Variants in DNAH11 observed in about 807,000 individuals in gnomAD.
The protein encoded by DNAH11 is axonemal beta dynein heavy chain 11.
A neutral mutation model predicts 526.0 loss-of-function variants in DNAH11; 442 were observed. The ratio of observed to expected loss-of-function variants is 0.84; its 90% CI spans 0.78 to 0.91. The LOEUF (loss-of-function observed/expected upper bound fraction) is 0.91. Ranked by LOEUF, DNAH11 falls within the 40% of genes least tolerant of loss-of-function variation. DNAH11 has a pLI of 0.00. For synonymous variants in DNAH11, 2,461 were observed against 1,935.9 expected, an observed-to-expected ratio of 1.27 and a Z score of -7.12; for missense variants, 6,989 against 5,448.7, an observed-to-expected ratio of 1.28 and a Z score of -8.90.
intron 54 of DNAH11, among the ~76,000 whole-genome samples, chr7:21,763,353 A>AAAAAGAAG (rs66803559): frequency 1.8e-5 from 1 of 56,964 alleles, no homozygotes; most frequent in Admixed American, 2.3e-4. Context: ...AAAAAAAAAA[A>AAAAAGAAG]AAAGAAAAAA....
chr7:21,747,004 T>G (rs1786178835), intron 51 of DNAH11, among the ~76,000 whole-genome samples: 1 of 152,236 alleles, frequency 6.6e-6, no homozygotes, highest in Non-Finnish European at 1.5e-5. Flanking sequence ...TAAGGCTGTT[T>G]CTTTGATCAG....
chr7:21,741,366 G>A (rs1459548352), intron 48 of DNAH11, among the ~76,000 whole-genome samples: 2 of 152,162 alleles, frequency 1.3e-5, no homozygotes, highest in Non-Finnish European at 2.9e-5. Context: ...GGACACCTTG[G>A]TTGCTTTCAC....
chr7:21,845,295 C>T (rs1193452765), intron 66 of DNAH11, among the ~76,000 whole-genome samples: 1 of 152,070 alleles, frequency 6.6e-6, no homozygotes, highest in African/African-American at 2.4e-5. Context: ...CATTAACTGA[C>T]AGTTCGTGAA....
intron 2 of DNAH11, among the ~76,000 whole-genome samples, chr7:21,556,040 C>G (rs1471292607): frequency 6.6e-6 from 1 of 152,192 alleles, no homozygotes; most frequent in Non-Finnish European, 1.5e-5. Context: ...CATTTATCTC[C>G]TAGCATGCAA....
At chr7:21,603,795 C>T (rs186599033) in intron 18 of DNAH11, among the ~76,000 whole-genome samples, 1 of 152,036 alleles carries the variant, frequency 6.6e-6, no homozygotes, top group Non-Finnish European at 1.5e-5. Context: ...GATGTTGAAC[C>T]TTAAACTATA....
intron 25 of DNAH11, among the ~76,000 whole-genome samples, chr7:21,634,673 CAGG>C (rs1158528622): frequency 1.3e-5 from 2 of 152,046 alleles, no homozygotes; most frequent in African/African-American, 4.8e-5. Flanking sequence ...GAGTGGAGGG[CAGG>C]AGGAGGGTGA....
At chr7:21,601,908 T>C (rs1785105536) in intron 18 of DNAH11, among the ~76,000 whole-genome samples, 1 of 152,112 alleles carries the variant, frequency 6.6e-6, no homozygotes, top group African/African-American at 2.4e-5. Flanking sequence ...AAAGAACCTA[T>C]GAGTTGCTTT....
intron 63 of DNAH11, among the ~76,000 whole-genome samples, chr7:21,815,392 A>G (rs181442824): frequency 1.1e-4 from 17 of 152,322 alleles, no homozygotes; most frequent in Non-Finnish European, 2.1e-4. Flanking sequence ...GGTTTGATTC[A>G]TTTTTAAGAT....
In DNAH11 at chr7:21,665,178, A is replaced by G. The variant is rs536409509; in HGVS notation, c.5328+6147A>G. On this transcript the variant is annotated intron_variant, in intron 30 of 81. Transcript: ENST00000409508. Reference sequence around the variant, plus strand: ...CCGCTATTGACCTCTCCCCCTTTCTACCTTTCTCATGTTTGGCTATGTACT... The same window carrying G: ...CCGCTATTGACCTCTCCCCCTTTCTGCCTTTCTCATGTTTGGCTATGTACT... Among the ~76,000 whole-genome samples, 5 of 149,210 alleles carry G rather than the reference A, an allele frequency of 3.4e-5. No individual in the cohort carries two copies. In the South Asian group the frequency reaches 8.5e-4, roughly 25 times the overall value.
Position 21,901,406 on chromosome 7 carries a change from A to ATTCTAACTTTTTAGT in DNAH11, c.*152_*153insTTCTAACTTTTTAGT. ...CTATCCTTAGAGTGAAAGTCAGAAA[A>ATTCTAACTTTTTAGT]AAATACTAGAAACTAACTCAGGGCT... On this transcript the variant is annotated 3_prime_UTR_variant, in exon 82 of 82. Coordinates refer to ENST00000409508, the MANE Select transcript of DNAH11 (RefSeq NM_001277115.2). The ATTCTAACTTTTTAGT allele has an allele frequency of 1.8e-6, 2 of 1,121,170 alleles. No homozygotes were observed. Among genetic ancestry groups the ATTCTAACTTTTTAGT allele is most frequent in the East Asian group, 2.9e-5 (1 of 34,318 alleles). 69.5% of individuals were successfully genotyped at this position (1,121,170 alleles called of 1,614,324 possible). A position where few individuals can be genotyped will look rare whatever the true frequency, so the allele number is the denominator to read the frequency against.
intron 8 of DNAH11, among the ~76,000 whole-genome samples, chr7:21,572,514 G>C (rs1037955401): frequency 1.3e-5 from 2 of 152,128 alleles, no homozygotes; most frequent in African/African-American, 4.8e-5. Flanking sequence ...CATGTTAGTA[G>C]CCAGGGAGCT....
In DNAH11 at chr7:21,717,201, T is replaced by TAC. The variant is rs3061388; in HGVS notation, c.6984-555_6984-554dup. Among the ~76,000 whole-genome samples, 44 of 150,248 alleles carry TAC rather than the reference T, an allele frequency of 2.9e-4. 1 individual carries two copies. The highest frequency in any genetic ancestry group is 8.5e-4 in the South Asian group (4 of 4,724). ...ATTGATAACATTTTATGTTTCAGATTACACACACACACACACACACCCCAG... is the reference window on the plus strand; with the variant it reads ...ATTGATAACATTTTATGTTTCAGATTACACACACACACACACACACACCCCAG... On this transcript the variant is annotated intron_variant, in intron 42 of 81. Coordinates refer to ENST00000409508, the MANE Select transcript of DNAH11 (RefSeq NM_001277115.2).
Position 21,543,262 on chromosome 7 carries a change from C to A in DNAH11, c.17C>A (p.Ala6Glu). 2.0e-6 allele frequency: 3 copies of A among 1,538,440 alleles called. No individual in the cohort carries two copies. The highest frequency in any genetic ancestry group is 1.8e-6 in the Non-Finnish European group (2 of 1,141,254). Residue 6 changes from alanine to glutamate, a missense_variant, in exon 1 of 82, where the codon GCA becomes GAA. By Grantham distance (107) the Ala-to-Glu change is moderately radical. Coordinates refer to ENST00000409508, the MANE Select transcript of DNAH11 (RefSeq NM_001277115.2). Reference sequence around the variant, plus strand: ...GGTTGCCCAATGGCAGCCCAGGTGGCAGCCCGGGAGGCGCGAGACTTCAGA... The same window carrying A: ...GGTTGCCCAATGGCAGCCCAGGTGGAAGCCCGGGAGGCGCGAGACTTCAGA... MAAQV[A>E]AREARDFREA... is the part of the protein sequence containing the mutation.
At chr7:21,590,339 T>C (rs1215396841) in intron 12 of DNAH11, among the ~76,000 whole-genome samples, 1 of 152,218 alleles carries the variant, frequency 6.6e-6, no homozygotes, top group Non-Finnish European at 1.5e-5. Context: ...ACCATGGGTA[T>C]GCTTTAGGGT....
At chr7:21,624,961 A>T (rs934993156) in intron 25 of DNAH11, among the ~76,000 whole-genome samples, 2 of 151,882 alleles carry the variant, frequency 1.3e-5, no homozygotes, top group Admixed American at 1.3e-4. Context: ...GGATTTTTTT[A>T]ATGTATGTTC....
intron 28 of DNAH11, among the ~76,000 whole-genome samples, chr7:21,644,989 A>G (rs1219562230): frequency 6.6e-6 from 1 of 152,136 alleles, no homozygotes; most frequent in African/African-American, 2.4e-5. Flanking sequence ...TTTTTTCTTC[A>G]TTTTGCATAT....
At chr7:21,786,909 C>CCTG in intron 59 of DNAH11, 142 bp downstream of exon 59, 1 of 1,263,112 alleles carries the variant, frequency 7.9e-7, no homozygotes, top group South Asian at 1.7e-5. Flanking sequence ...TGTATATGTT[C>CCTG]TCTAGACTTA....
At chr7:21,547,334 T>A (rs904838645) in intron 2 of DNAH11, among the ~76,000 whole-genome samples, 3 of 152,212 alleles carry the variant, frequency 2.0e-5, no homozygotes, top group Admixed American at 2.0e-4. Context: ...AACACATTTA[T>A]CCTTCCAAAC....
At chr7:21,831,176 C>T (rs181799130) in intron 65 of DNAH11, among the ~76,000 whole-genome samples, 243 of 152,288 alleles carry the variant, frequency 1.6e-3, no homozygotes, top group Non-Finnish European at 2.5e-3. Flanking sequence ...TGTTGCTCTT[C>T]ACACCTGCTG....
Sources: gnomAD v4.1 joint callset for allele counts (sites outside exome capture counted in the v4.1 genomes callset) on GRCh38, gnomAD v4.1.1 for gene constraint, MANE v1.5 for transcripts, NCBI Gene and HGNC (gene_info 2026-07-23, HGNC 2026-07-21) for gene names.